The following ST3GAL3 variants were observed in gnomAD, a reference collection of about 807,000 sequenced individuals.
ST3GAL3 encodes the protein ST3 beta-galactoside alpha-2,3-sialyltransferase 3, also known as CMP-N-acetylneuraminate-beta-1,4-galactoside alpha-2,3-sialyltransferase.
ST3GAL3 carries 21 observed loss-of-function variants against 50.1 expected under a neutral mutation model. The observed-to-expected ratio is 0.42, with a 90% CI of 0.30 to 0.60. The LOEUF (loss-of-function observed/expected upper bound fraction) is 0.60. Ranked by LOEUF, ST3GAL3 falls within the 20% of genes least tolerant of loss-of-function variation. The pLI, the probability that ST3GAL3 is intolerant of heterozygous loss-of-function variation, is 0.19. For missense variants in ST3GAL3, 353 were observed against 489.4 expected, an observed-to-expected ratio of 0.72 and a Z score of 2.63; for synonymous variants, 183 against 190.0, an observed-to-expected ratio of 0.96 and a Z score of 0.30.
At chr1:43,907,021 T>G (rs572859871) in intron 9 of ST3GAL3, among the ~76,000 whole-genome samples, 1 of 152,328 alleles carries the variant, frequency 6.6e-6, no homozygotes, top group East Asian at 1.9e-4. Context: ...AGTCAGCTCC[T>G]ATCTGCCATG....
intron 4 of ST3GAL3, chr1:43,824,823 A>C (rs766421142): frequency 1.6e-6 from 2 of 1,248,610 alleles, no homozygotes; most frequent in East Asian, 4.6e-5. Flanking sequence ...CCTGCATCCC[A>C]CCCTCTAGAG....
intron 2 of ST3GAL3, 194 bp downstream of exon 2, chr1:43,736,574 G>T (rs751926284): frequency 8.6e-6 from 8 of 929,806 alleles, no homozygotes; most frequent in Non-Finnish European, 1.3e-5. Flanking sequence ...TTTAAAAACT[G>T]CATGCCATGA....
intron 5 of ST3GAL3, among the ~76,000 whole-genome samples, chr1:43,889,707 G>A (rs1424351351): frequency 6.6e-6 from 1 of 152,146 alleles, no homozygotes; most frequent in Admixed American, 6.5e-5. Context: ...CAGTAGTTGT[G>A]TTAATGTCAC....
At chr1:43,830,665 T>G (rs540294825) in intron 4 of ST3GAL3, among the ~76,000 whole-genome samples, 2 of 152,276 alleles carry the variant, frequency 1.3e-5, no homozygotes, top group African/African-American at 2.4e-5. Context: ...AACTACAAAT[T>G]TTATGAGATA....
intron 1 of ST3GAL3, among the ~76,000 whole-genome samples, chr1:43,713,291 G>T (rs762906594): frequency 5.1e-4 from 77 of 152,132 alleles, no homozygotes; most frequent in Non-Finnish European, 6.3e-4. Context: ...TGTCTTCTTG[G>T]TTTTCAAATT....
intron 2 of ST3GAL3, chr1:43,736,970 G>A (rs1282482440): frequency 9.9e-6 from 2 of 202,014 alleles, no homozygotes; most frequent in African/African-American, 4.8e-5. Context: ...GTTACATAGT[G>A]TTTTCCACAT....
chr1:43,821,715 C>T (rs958473122), intron 4 of ST3GAL3, among the ~76,000 whole-genome samples: 2 of 152,166 alleles, frequency 1.3e-5, no homozygotes, highest in Non-Finnish European at 2.9e-5. Context: ...CAGGCTGCTA[C>T]GTGCAGGCAG....
At chr1:43,797,299 C>G (rs1362978928) in intron 3 of ST3GAL3, among the ~76,000 whole-genome samples, 1 of 152,088 alleles carries the variant, frequency 6.6e-6, no homozygotes, top group Non-Finnish European at 1.5e-5. Context: ...AGCAATAAAA[C>G]TATCCAATTG....
chr1:43,861,616 C>T (rs1487730965), intron 5 of ST3GAL3, among the ~76,000 whole-genome samples: 1 of 152,206 alleles, frequency 6.6e-6, no homozygotes, highest in Non-Finnish European at 1.5e-5. Flanking sequence ...TAAGCTGATG[C>T]TTCCTGGTGC....
intron 2 of ST3GAL3, among the ~76,000 whole-genome samples, chr1:43,741,541 A>G (rs1403566370): frequency 1.3e-5 from 2 of 152,182 alleles, no homozygotes; most frequent in South Asian, 2.1e-4. Context: ...TATTAGGAGG[A>G]CAGGTTGAAG....
intron 9 of ST3GAL3, among the ~76,000 whole-genome samples, chr1:43,907,737 A>G (rs2486012): frequency 0.096 from 14,568 of 152,042 alleles, 913 homozygotes; most frequent in South Asian, 0.23. Context: ...GACTGTCTTC[A>G]TTCCTTTGTC....
rs953221325 is a variant in ST3GAL3, at chr1:43,807,868, T to G, written c.167-7023T>G. On this transcript the variant is annotated intron_variant, in intron 3 of 11. Coordinates refer to ENST00000347631, the MANE Select transcript of ST3GAL3 (RefSeq NM_006279.5). ...TTGGGCAGCTGGGTGAAGAGTGGTG[T>G]TGTTCGTTAAGGTGGGAAATCCAGA... is the stretch of plus-strand genomic sequence containing the variant. 4.6e-5 allele frequency among the ~76,000 whole-genome samples: 7 copies of G among 152,230 alleles called. No individual in the cohort carries two copies. In the East Asian group the frequency reaches 5.8e-4, roughly 13 times the overall value.
intron 5 of ST3GAL3, among the ~76,000 whole-genome samples, chr1:43,846,391 C>T (rs1011507220): frequency 6.6e-6 from 1 of 151,998 alleles, no homozygotes; most frequent in Non-Finnish European, 1.5e-5. Context: ...CAAAATCTTC[C>T]TTGTCTGATA....
At chr1:43,855,502 C>T (rs1007724267) in intron 5 of ST3GAL3, among the ~76,000 whole-genome samples, 1 of 151,736 alleles carries the variant, frequency 6.6e-6, no homozygotes, top group East Asian at 1.9e-4. Flanking sequence ...CCCAACTACT[C>T]GGGAGGCTGA....
chr1:43,848,045 T>A (rs917086433), intron 5 of ST3GAL3, among the ~76,000 whole-genome samples: 2 of 152,298 alleles, frequency 1.3e-5, no homozygotes, highest in East Asian at 1.9e-4. Flanking sequence ...GAAAGATTTT[T>A]AAAAATGTTT....
At chr1:43,916,949 C>T (rs2081917933) in intron 9 of ST3GAL3, 1 of 152,144 alleles carries the variant, frequency 6.6e-6, no homozygotes, top group Admixed American at 6.5e-5. Flanking sequence ...TTAATGAAAC[C>T]TCTGTTGTAA....
intron 5 of ST3GAL3, among the ~76,000 whole-genome samples, chr1:43,855,856 C>T (rs2068255745): frequency 6.6e-6 from 1 of 152,094 alleles, no homozygotes; most frequent in South Asian, 2.1e-4. Flanking sequence ...GCATTAATAA[C>T]ATACACATTT....
At chr1:43,805,895 C>A (rs929353007) in intron 3 of ST3GAL3, among the ~76,000 whole-genome samples, 1 of 152,066 alleles carries the variant, frequency 6.6e-6, no homozygotes, top group African/African-American at 2.4e-5. Context: ...ACCACCACAC[C>A]CGGCTAATTT....
chr1:43,790,795 TA>T lies in ST3GAL3; in HGVS notation c.119-1305del, dbSNP rs201332211. ...TACAGGCACGCGTACCACGCCCAGC[TA>T]ATTTTTTTTTTTTGTATTTTTAGTA... On this transcript the variant is annotated intron_variant, in intron 2 of 11. Coordinates refer to ENST00000347631, the MANE Select transcript of ST3GAL3 (RefSeq NM_006279.5). Among the ~76,000 whole-genome samples the T allele has an allele frequency of 7.8e-3, 1,184 of 151,192 alleles. 9 individuals are homozygous for T. Among genetic ancestry groups the T allele is most frequent in the Non-Finnish European group, 0.01 (685 of 67,710 alleles).
Sources: allele counts gnomAD v4.1 joint callset (sites outside exome capture counted in the v4.1 genomes callset), GRCh38; gene constraint gnomAD v4.1.1; transcripts MANE v1.5; gene names NCBI Gene and HGNC (gene_info 2026-07-23, HGNC 2026-07-21).